Variants in APPL1 observed in about 807,000 individuals in gnomAD.
APPL1 encodes the protein DCC-interacting protein 13-alpha.
A neutral mutation model predicts 106.8 loss-of-function variants in APPL1; 42 were observed. That is an observed-to-expected ratio of 0.39 (90% CI 0.31 to 0.51). The LOEUF is 0.51. Among genes scored for constraint, APPL1 ranks in the 20% least tolerant of loss-of-function variants. APPL1 has a pLI of 0.75. For synonymous variants in APPL1, 263 were observed against 281.8 expected (o/e 0.93, Z 0.67); for missense variants, 769 against 858.2 (o/e 0.90, Z 1.30).
intron 19 of APPL1, 107 bp downstream of exon 19, chr3:57,260,881 G>A: frequency 1.7e-6 from 2 of 1,189,564 alleles, no homozygotes; most frequent in Middle Eastern, 2.6e-4. Flanking sequence ...AGTAATTACT[G>A]ATTGAATTCT....
Position 57,254,339 on chromosome 3 carries a change from C to T in APPL1, c.1152+601C>T, listed in dbSNP as rs143980249. On this transcript the variant is annotated intron_variant, in intron 13 of 21. Coordinates refer to ENST00000288266, the MANE Select transcript of APPL1 (RefSeq NM_012096.3). ...AGAAAATTGAGCCATGGCCTCTGCC[C>T]TCTAGGAGCCTATCTGTATGGAGAG... 2.1e-3 allele frequency among the ~76,000 whole-genome samples: 327 copies of T among 152,332 alleles called. 1 individual carries two copies. The highest frequency in any genetic ancestry group is 7.5e-3 in the African/African-American group (310 of 41,580).
intron 11 of APPL1, among the ~76,000 whole-genome samples, chr3:57,250,163 C>T (rs1015739582): frequency 5.9e-5 from 9 of 151,876 alleles, no homozygotes; most frequent in East Asian, 1.9e-4. Context: ...TTTTTTGAGG[C>T]GGGGTCTTAC....
chr3:57,235,580 A>G lies in APPL1; in HGVS notation c.69A>G (p.Leu23=), dbSNP rs11544592. ...LEDSPQTRSL[L]GVFEEDATAI... is the part of the protein sequence containing the mutation. The stretch of plus-strand genomic sequence containing the variant: ...GTTTTATACAGACAAGGTCTTTACT[A>G]GGTGTATTTGAAGAAGATGCCACAG... Residue 23 remains leucine (L), a synonymous_variant, in exon 2 of 22, where the codon CTA becomes CTG. Coordinates refer to ENST00000288266, the MANE Select transcript of APPL1 (RefSeq NM_012096.3). The G allele has an allele frequency of 0.014, 22,378 of 1,607,080 alleles. 213 individuals are homozygous for G. Among genetic ancestry groups the G allele is most frequent in the Middle Eastern group, 0.028 (171 of 6,038 alleles).
At position 57,271,664 on chromosome 3, in the gene APPL1, T is replaced by C. The variant is rs1401733637; in HGVS notation, c.*1977T>C. The C allele has an allele frequency of 6.6e-6, 1 of 152,246 alleles. No homozygotes were observed. The highest frequency in any genetic ancestry group is 1.5e-5 in the Non-Finnish European group (1 of 68,052). The allele number at this position is 152,246 out of a possible 1,614,324, so 9.4% of individuals were successfully genotyped here. The stretch of plus-strand genomic sequence containing the variant: ...TTTACTAAGCTGGTGCTTTGCATGG[T>C]AGCAAGTGCTGCCCTTTATCAGCAC... On this transcript the variant is annotated 3_prime_UTR_variant, in exon 22 of 22. Transcript: ENST00000288266.
rs2060910640 is a variant in APPL1 at position 57,268,490 on chromosome 3, A to G, written c.1983+3A>G. 1.2e-6 allele frequency: 2 copies of G among 1,601,446 alleles called. No individual in the cohort carries two copies. The highest frequency in any genetic ancestry group is 1.7e-6 in the Non-Finnish European group (2 of 1,175,914). ...ATAAACAAAAACAGATTGAAAAGGT[A>G]TACAGTCCTAATGTCTGGATCTTTA... On this transcript the variant is annotated splice_donor_region_variant and intron_variant, in intron 21 of 21. Transcript: ENST00000288266.
At chr3:57,246,641 A>C (rs1429166713) in intron 8 of APPL1, among the ~76,000 whole-genome samples, 3 of 152,196 alleles carry the variant, frequency 2.0e-5, no homozygotes, top group South Asian at 2.1e-4. Context: ...CAAAGAGTAC[A>C]TCAGGAAGGG....
In APPL1 at chr3:57,252,312, G is replaced by A; in HGVS notation, c.1095+1G>A. 1.2e-6 allele frequency: 2 copies of A among 1,601,118 alleles called. No individual in the cohort carries two copies. The highest frequency in any genetic ancestry group is 1.7e-6 in the Non-Finnish European group (2 of 1,171,968). Reference sequence around the variant, plus strand: ...AGAGAGTAAAAAAGATCATGAAGAGGTAAGATTTTACCTAGTTCATTTCTT... The same window carrying A: ...AGAGAGTAAAAAAGATCATGAAGAGATAAGATTTTACCTAGTTCATTTCTT... On this transcript the variant is annotated splice_donor_variant, in intron 12 of 21. Transcript: ENST00000288266. LOFTEE classifies it high-confidence loss of function.
chr3:57,227,863 C>G lies in APPL1; in HGVS notation c.-21C>G. On this transcript the variant is annotated 5_prime_UTR_variant, in exon 1 of 22. Coordinates refer to ENST00000288266, the MANE Select transcript of APPL1 (RefSeq NM_012096.3). ...TGTGGGCGGCAGCTGCGTCTCCTGCCACCGCCCTCCCTCCGCCACGATGCC... is the reference window on the plus strand; with the variant it reads ...TGTGGGCGGCAGCTGCGTCTCCTGCGACCGCCCTCCCTCCGCCACGATGCC... 6.9e-7 allele frequency: 1 copy of G among 1,457,552 alleles called. No homozygotes were observed. Among genetic ancestry groups the G allele is most frequent in the South Asian group, 1.3e-5 (1 of 76,802 alleles). 90.3% of individuals were successfully genotyped at this position (1,457,552 alleles called of 1,614,324 possible). A position where few individuals can be genotyped will look rare whatever the true frequency, so the allele number is the denominator to read the frequency against.
At position 57,257,330 on chromosome 3, in the gene APPL1, T is replaced by G. The variant is rs2060842503; in HGVS notation, c.1332T>G (p.Asp444Glu). 6.2e-7 allele frequency: 1 copy of G among 1,614,116 alleles called. No homozygotes were observed. The highest frequency in any genetic ancestry group is 1.7e-5 in the Admixed American group (1 of 60,010). ...CAAATTTGGCTGCCCTCTCTCTAGA[T>G]TCTCTTGTTGCCCCAGACACCCCAA... ...ESTNLAALSL[D>E]SLVAPDTPIQ... Residue 444 changes from aspartate to glutamate, a missense_variant, in exon 15 of 22, where the codon GAT becomes GAG. Asp to Glu is a conservative substitution (Grantham distance 45, BLOSUM62 2). Transcript: ENST00000288266.
chr3:57,253,788 T>C, intron 13 of APPL1, 50 bp downstream of exon 13: 1 of 1,353,990 alleles, frequency 7.4e-7, no homozygotes, highest in Non-Finnish European at 9.6e-7. Flanking sequence ...TGAGTAATTT[T>C]GTGGCTTACA....
rs544570326 is a variant in APPL1 at position 57,273,407 on chromosome 3, G to GTTGT, written c.*3722_*3725dup. ...ATACTGACAAGGCTTCAGGAAAAAA[G>GTTGT]TTGTTAGAAGATTTTTTAATGTATA... is the stretch of plus-strand genomic sequence containing the variant. On this transcript the variant is annotated 3_prime_UTR_variant, in exon 22 of 22. Coordinates refer to ENST00000288266, the MANE Select transcript of APPL1 (RefSeq NM_012096.3). 93 of 152,696 alleles carry GTTGT rather than the reference G, an allele frequency of 6.1e-4. No homozygotes were observed. The highest frequency in any genetic ancestry group is 2.0e-3 in the African/African-American group (85 of 41,560). 9.5% of individuals were successfully genotyped at this position (152,696 alleles called of 1,614,324 possible).
At chr3:57,259,247 T>G (rs556022045) in intron 16 of APPL1, among the ~76,000 whole-genome samples, 167 bp downstream of exon 16, 25 of 152,346 alleles carry the variant, frequency 1.6e-4, no homozygotes, top group Middle Eastern at 3.4e-3. Context: ...GAACTTAATC[T>G]GACTTAAGAT....
At chr3:57,243,314 A>G (rs2107600732) in intron 7 of APPL1, among the ~76,000 whole-genome samples, 1 of 152,320 alleles carries the variant, frequency 6.6e-6, no homozygotes, top group Non-Finnish European at 1.5e-5. Context: ...TTATAGACAT[A>G]TATATCTTTT....
chr3:57,232,933 C>T (rs760500185), intron 1 of APPL1, among the ~76,000 whole-genome samples: 2 of 151,940 alleles, frequency 1.3e-5, no homozygotes, highest in Non-Finnish European at 2.9e-5. Context: ...ATCCGGGAGG[C>T]GGAGCGTGCA....
intron 2 of APPL1, among the ~76,000 whole-genome samples, chr3:57,236,557 A>T (rs915502340): frequency 3.3e-5 from 5 of 151,944 alleles, no homozygotes; most frequent in Non-Finnish European, 1.5e-5. Context: ...CGAACTCCTG[A>T]CCTCAGGTGA....
At chr3:57,240,867 G>C (rs1345370784) in intron 5 of APPL1, among the ~76,000 whole-genome samples, 1 of 152,182 alleles carries the variant, frequency 6.6e-6, no homozygotes, top group Admixed American at 6.5e-5. Flanking sequence ...GGTCAGCAAG[G>C]CTTTACCCAA....
rs765808101 is a variant in APPL1, at chr3:57,259,833, G to A, written c.1484-12G>A. The A allele has an allele frequency of 6.4e-7, 1 of 1,553,588 alleles. No homozygotes were observed. Among genetic ancestry groups the A allele is most frequent in the African/African-American group, 1.4e-5 (1 of 71,976 alleles). On this transcript the variant is annotated splice_polypyrimidine_tract_variant and intron_variant, in intron 16 of 21. Coordinates refer to ENST00000288266, the MANE Select transcript of APPL1 (RefSeq NM_012096.3). ...AAAAAAAAAATATGTAATACACCTTGTTCTATTATAGATTCTATTCTTCAT... is the reference window on the plus strand; with the variant it reads ...AAAAAAAAAATATGTAATACACCTTATTCTATTATAGATTCTATTCTTCAT...
intron 7 of APPL1, among the ~76,000 whole-genome samples, chr3:57,244,907 TA>T (rs1162451565): frequency 6.6e-6 from 1 of 152,166 alleles, no homozygotes; most frequent in Non-Finnish European, 1.5e-5. Context: ...TTTTGGGAGA[TA>T]TTTTTTTAAG....
rs1474093905 is a variant in APPL1, at chr3:57,228,932, A to C, written c.54+995A>C. ...CAGTTGAACATGGCCCCCAAAGAAG[A>C]AAAGCAGAAGAGGTCTAGATCTCCT... On this transcript the variant is annotated intron_variant, in intron 1 of 21. Transcript: ENST00000288266. This position sits in a 1 kb window ranked among gnomAD's most constrained non-coding sequence, Gnocchi z 4.6. Among the ~76,000 whole-genome samples the C allele has an allele frequency of 4.6e-5, 7 of 152,234 alleles. No individual in the cohort carries two copies. The highest frequency in any genetic ancestry group is 7.3e-5 in the Non-Finnish European group (5 of 68,028).
Sources: allele counts gnomAD v4.1 joint callset (sites outside exome capture counted in the v4.1 genomes callset), GRCh38; gene constraint gnomAD v4.1.1; non-coding constraint Gnocchi (gnomAD v3.1); transcripts MANE v1.5; gene names NCBI Gene and HGNC (gene_info 2026-07-23, HGNC 2026-07-21).